The following SH3BP1 variants were observed in gnomAD, a reference collection of about 807,000 sequenced individuals.
SH3BP1 encodes the protein SH3 domain binding protein 1.
A neutral mutation model predicts 69.8 loss-of-function variants in SH3BP1; 46 were observed. The ratio of observed to expected loss-of-function variants is 0.66; its 90% CI spans 0.52 to 0.84. SH3BP1 has a LOEUF of 0.84. Among genes scored for constraint, SH3BP1 ranks in the 40% least tolerant of loss-of-function variants. The pLI, the probability that SH3BP1 is intolerant of heterozygous loss-of-function variation, is 0.00. For missense variants in SH3BP1, 868 were observed against 930.9 expected (o/e 0.93, Z 0.88); for synonymous variants, 403 against 378.0 (o/e 1.07, Z -0.77).
At chr22:37,646,780 C>A in intron 10 of SH3BP1, 38 bp from the exon 11 acceptor site, 1 of 1,346,922 alleles carries the variant, frequency 7.4e-7, no homozygotes, top group Non-Finnish European at 1.0e-6. Context: ...GCCCTGCCCA[C>A]CCCTCTGTGA....
chr22:37,640,258 T>C, intron 1 of SH3BP1: 2 of 163,928 alleles, frequency 1.2e-5, no homozygotes, highest in South Asian at 1.6e-4. Context: ...GCCACAGACC[T>C]GGGGCGAGGG....
intron 3 of SH3BP1, 36 bp downstream of exon 3, chr22:37,641,514 A>G: frequency 4.7e-6 from 7 of 1,502,490 alleles, no homozygotes; most frequent in Non-Finnish European, 6.3e-6. Flanking sequence ...GGGCCTGAGC[A>G]GGAGACTTCC....
chr22:37,643,400 C>A, intron 6 of SH3BP1: 2 of 661,208 alleles, frequency 3.0e-6, no homozygotes, highest in Non-Finnish European at 5.2e-6. Context: ...AGCCTGGGAT[C>A]CTGTAAACAG....
Position 37,646,918 on chromosome 22 carries a change from A to G in SH3BP1, c.1025A>G (p.His342Arg). 6.5e-7 allele frequency: 1 copy of G among 1,547,200 alleles called. No individual in the cohort carries two copies. Among genetic ancestry groups the G allele is most frequent in the Admixed American group, 2.0e-5 (1 of 50,734 alleles). ...CTGGAGGAGTTCTGCTCCGACCCGC[A>G]CGCTGTGGCAGGTGCCTGATCCGGG... ...HSLEEFCSDP[H>R]AVAGALKSYL... Residue 342 changes from histidine (H) to arginine (R), a missense_variant, in exon 11 of 18, where the codon CAC becomes CGC. Physicochemically the swap from His to Arg is conservative, Grantham distance 29 (BLOSUM62 0). Coordinates refer to ENST00000649765, the MANE Select transcript of SH3BP1 (RefSeq NM_018957.6).
In SH3BP1 at chr22:37,655,263, C is replaced by T. The variant is rs757502346; in HGVS notation, c.1694-9C>T. Reference sequence around the variant, plus strand: ...ACTCAGCCTCCCTCACCCTTTCCTTCCTCAACAGCCAAGCGCCCGGCGCCA... The same window carrying T: ...ACTCAGCCTCCCTCACCCTTTCCTTTCTCAACAGCCAAGCGCCCGGCGCCA... On this transcript the variant is annotated splice_polypyrimidine_tract_variant and intron_variant, in intron 17 of 17. Transcript: ENST00000649765. The T allele has an allele frequency of 6.3e-7, 1 of 1,582,316 alleles. No homozygotes were observed. The highest frequency in any genetic ancestry group is 8.6e-7 in the Non-Finnish European group (1 of 1,167,138).
chr22:37,649,966 C>T, intron 14 of SH3BP1, 186 bp from the exon 15 acceptor site: 1 of 725,010 alleles, frequency 1.4e-6, no homozygotes. Context: ...TGATGTCTGT[C>T]AGGGTGAAGG....
chr22:37,655,440 C>T lies in SH3BP1; in HGVS notation c.1862C>T (p.Pro621Leu). The change falls in exon 18 of 18, where the codon CCC becomes CTC. Residue 621 changes from proline (P) to leucine (L), a missense_variant. Physicochemically the swap from Pro to Leu is moderately conservative, Grantham distance 98. This residue lies in a region of SH3BP1 where 474 missense variants were observed against 462.3 expected (regional missense o/e 1.03). Coordinates refer to ENST00000649765, the MANE Select transcript of SH3BP1 (RefSeq NM_018957.6). ...GSSLRAPTVPPPLPPTPPQPA... is the reference protein window; with the variant it reads ...GSSLRAPTVPLPLPPTPPQPA... ...AGCCTCCGAGCCCCCACAGTGCCAC[C>T]CCCGTTACCCCCCACACCCCCTCAG... 1 of 1,290,760 alleles carries T rather than the reference C, an allele frequency of 7.7e-7. No homozygotes were observed. Among genetic ancestry groups the T allele is most frequent in the African/African-American group, 1.5e-5 (1 of 65,078 alleles). The allele number at this position is 1,290,760 out of a possible 1,614,324, so 80.0% of individuals were successfully genotyped here.
chr22:37,645,578 G>T, intron 10 of SH3BP1, 68 bp downstream of exon 10: 2 of 1,530,018 alleles, frequency 1.3e-6, no homozygotes. Flanking sequence ...CCGCCCACTT[G>T]CTGCCCTTTC....
rs185386234 is a variant in SH3BP1 at position 37,645,095 on chromosome 22, G to C, written c.778+135G>C. On this transcript the variant is annotated intron_variant, in intron 9 of 17. Transcript: ENST00000649765. Reference sequence around the variant, plus strand: ...TGAGAGCTAGGCTCAATCTGTGATGGAGAGGCAGCTCTGGCTACTGTGTGG... The same window carrying C: ...TGAGAGCTAGGCTCAATCTGTGATGCAGAGGCAGCTCTGGCTACTGTGTGG... 53 of 896,294 alleles carry C rather than the reference G, an allele frequency of 5.9e-5. No individual in the cohort carries two copies. The African/African-American group carries it at 8.2e-4, about 14-fold the overall frequency. The allele number at this position is 896,294 out of a possible 1,614,324, so 55.5% of individuals were successfully genotyped here.
At chr22:37,650,307 TC>T in intron 15 of SH3BP1, 58 bp downstream of exon 15, 1 of 1,543,084 alleles carries the variant, frequency 6.5e-7, no homozygotes. Flanking sequence ...CCCTGCTCCC[TC>T]CCCTGTAGCC....
intron 1 of SH3BP1, chr22:37,640,802 G>T: frequency 2.4e-6 from 1 of 409,006 alleles, no homozygotes; most frequent in Non-Finnish European, 4.5e-6. Flanking sequence ...GGATTTGGGA[G>T]TGGGCAGAAA....
In SH3BP1 at chr22:37,655,903, C is replaced by T; in HGVS notation, c.*219C>T. 6.4e-7 allele frequency: 1 copy of T among 1,564,208 alleles called. No individual in the cohort carries two copies. The highest frequency in any genetic ancestry group is 1.1e-5 in the South Asian group (1 of 87,158). On this transcript the variant is annotated 3_prime_UTR_variant, in exon 18 of 18. Coordinates refer to ENST00000649765, the MANE Select transcript of SH3BP1 (RefSeq NM_018957.6). ...CACCCTGGGCTTGGGGACCCCCCCACCGGACTCTCCACTCTCCGGCAGGTC... is the reference window on the plus strand; with the variant it reads ...CACCCTGGGCTTGGGGACCCCCCCATCGGACTCTCCACTCTCCGGCAGGTC...
At chr22:37,655,028 G>GA (rs1433427551) in intron 17 of SH3BP1, among the ~76,000 whole-genome samples, 5 of 143,870 alleles carry the variant, frequency 3.5e-5, no homozygotes, top group Non-Finnish European at 7.6e-5. Flanking sequence ...AATACATCTG[G>GA]AAAATGTGAC....
At chr22:37,642,795 C>G (rs1932649803) in intron 4 of SH3BP1, 100 bp from the exon 5 acceptor site, 19 of 1,592,258 alleles carry the variant, frequency 1.2e-5, no homozygotes, top group Middle Eastern at 3.3e-4. Context: ...TGAAGGATAT[C>G]TAGGAGGGGC....
In SH3BP1 at chr22:37,650,267, A is replaced by G; in HGVS notation, c.1414+18A>G. On this transcript the variant is annotated intron_variant, in intron 15 of 17. Transcript: ENST00000649765. The stretch of plus-strand genomic sequence containing the variant: ...CCCTGGAGGTGAAGCTCCTGCCTGC[A>G]TGGACGCCCTGCTGGGTGCCCTCCT... The G allele has an allele frequency of 6.3e-7, 1 of 1,587,608 alleles. No individual in the cohort carries two copies. The highest frequency in any genetic ancestry group is 8.6e-7 in the Non-Finnish European group (1 of 1,165,892).
chr22:37,646,965 G>C (rs145479470), intron 11 of SH3BP1, 36 bp downstream of exon 11: 22,953 of 1,397,706 alleles, frequency 0.016, 214 homozygotes, highest in Middle Eastern at 0.025. Flanking sequence ...AGGAGGTTGG[G>C]GGGGAGGGGG....
chr22:37,645,504 G>A lies in SH3BP1; in HGVS notation c.918G>A (p.Lys306=). 1 of 1,608,514 alleles carries A rather than the reference G, an allele frequency of 6.2e-7. No homozygotes were observed. The highest frequency in any genetic ancestry group is 8.5e-7 in the Non-Finnish European group (1 of 1,175,594). ...CVMMLLSEGM[K]EEGLFRLAAG... ...TGATGCTGCTTTCTGAGGGCATGAA[G>A]GAAGAGGTGGGGTCCCCTGGGGCAG... The change falls in exon 10 of 18, where the codon AAG becomes AAA. Residue 306 remains lysine (K), a synonymous_variant. Coordinates refer to ENST00000649765, the MANE Select transcript of SH3BP1 (RefSeq NM_018957.6).
intron 15 of SH3BP1, 135 bp from the exon 16 acceptor site, chr22:37,650,407 T>C: frequency 6.7e-7 from 1 of 1,490,114 alleles, no homozygotes; most frequent in Admixed American, 2.2e-5. Flanking sequence ...TGTGGGGTGG[T>C]GGTGAGGCTC....
rs1422290167 is a variant in SH3BP1 at position 37,650,478 on chromosome 22, C to T, written c.1415-64C>T. 3.0e-5 allele frequency: 46 copies of T among 1,550,852 alleles called. No homozygotes were observed. In the East Asian group the frequency reaches 7.2e-4, roughly 24 times the overall value. On this transcript the variant is annotated intron_variant, in intron 15 of 17. Transcript: ENST00000649765. ...GGTTCAGGGGAAGGGGAAACGGTCC[C>T]GGCCAGTGGAGTGAGGAGCCTGGCG...
Sources: allele counts gnomAD v4.1 joint callset (sites outside exome capture counted in the v4.1 genomes callset), GRCh38; gene constraint gnomAD v4.1.1; regional missense constraint gnomAD v4.1.1; transcripts MANE v1.5; gene names NCBI Gene and HGNC (gene_info 2026-07-23, HGNC 2026-07-21).